The following CALN1 variants were observed in gnomAD, a reference collection of about 807,000 sequenced individuals.
The protein encoded by CALN1 is calneuron 1.
A neutral mutation model predicts 30.6 loss-of-function variants in CALN1; 17 were observed. The ratio of observed to expected loss-of-function variants is 0.56; its 90% CI spans 0.38 to 0.83. CALN1 has a LOEUF of 0.83. Among genes scored for constraint, CALN1 ranks in the 40% least tolerant of loss-of-function variants. The pLI is 0.00. For synonymous variants in CALN1, 156 were observed against 131.4 expected (o/e 1.19, Z -1.28); for missense variants, 291 against 354.9 (o/e 0.82, Z 1.45).
At chr7:72,074,461 A>G (rs1472660856) in intron 4 of CALN1, among the ~76,000 whole-genome samples, 1 of 152,106 alleles carries the variant, frequency 6.6e-6, no homozygotes, top group African/African-American at 2.4e-5. Context: ...AGGCTAGAGT[A>G]CAGTGGTGCA....
rs1265848762 is a variant in CALN1, at chr7:71,784,873, T to C, written c.*2902A>G. 13 of 398,558 alleles carry C rather than the reference T, an allele frequency of 3.3e-5. No homozygotes were observed. Among genetic ancestry groups the C allele is most frequent in the South Asian group, 2.5e-4 (2 of 7,864 alleles). 24.7% of individuals were successfully genotyped at this position (398,558 alleles called of 1,614,324 possible). A position where few individuals can be genotyped will look rare whatever the true frequency, so the allele number is the denominator to read the frequency against. ...CTGGAATCTTCAGCCGTGAGCTTCATAGCCACCATGATGGGGACACTGACT... is the reference window on the plus strand; with the variant it reads ...CTGGAATCTTCAGCCGTGAGCTTCACAGCCACCATGATGGGGACACTGACT... On this transcript the variant is annotated 3_prime_UTR_variant, in exon 7 of 7. Transcript: ENST00000395275.
intron 5 of CALN1, among the ~76,000 whole-genome samples, chr7:71,838,164 A>G (rs1314180134): frequency 6.6e-6 from 1 of 152,176 alleles, no homozygotes; most frequent in Non-Finnish European, 1.5e-5. Flanking sequence ...AAAAAAGGAA[A>G]AACTCTGCCA....
chr7:71,937,812 T>G (rs1795923280), intron 5 of CALN1, among the ~76,000 whole-genome samples: 2 of 152,256 alleles, frequency 1.3e-5, no homozygotes, highest in South Asian at 4.1e-4. Flanking sequence ...TAGCCATACC[T>G]TCTTCCTACC....
chr7:72,112,521 T>C (rs889953325), intron 3 of CALN1, among the ~76,000 whole-genome samples: 1 of 152,292 alleles, frequency 6.6e-6, no homozygotes, highest in East Asian at 1.9e-4. Context: ...GCAAGGCAGT[T>C]ATTTAAAAGC....
upstream of CALN1, among the ~76,000 whole-genome samples, chr7:72,414,885 G>A (rs531954603): frequency 7.2e-5 from 11 of 152,284 alleles, no homozygotes; most frequent in Admixed American, 5.9e-4. Context: ...AAATCCTTAC[G>A]TTGAAGCCCT....
chr7:71,992,420 A>G (rs895212934), intron 5 of CALN1, among the ~76,000 whole-genome samples: 3 of 152,158 alleles, frequency 2.0e-5, no homozygotes, highest in Admixed American at 1.3e-4. Context: ...GCAGTGGTGC[A>G]ATCATGGCTC....
intron 5 of CALN1, among the ~76,000 whole-genome samples, chr7:71,979,869 CTTTTTTTTT>C (rs555621436): frequency 1.1e-5 from 1 of 89,692 alleles, no homozygotes; most frequent in African/African-American, 4.3e-5. Context: ...CATCAGGATT[CTTTTTTTTT>C]TTTTTTTTTT....
intron 2 of CALN1, among the ~76,000 whole-genome samples, chr7:72,402,982 C>T (rs185125752): frequency 6.6e-6 from 1 of 152,314 alleles, no homozygotes; most frequent in Non-Finnish European, 1.5e-5. Context: ...TTGTATTTGT[C>T]ATTGTTCACC....
chr7:72,096,026 G>A (rs1030498990), intron 4 of CALN1, among the ~76,000 whole-genome samples: 4 of 151,652 alleles, frequency 2.6e-5, no homozygotes, highest in South Asian at 2.1e-4. Context: ...GCAACAGAGC[G>A]AGACCTTGTC....
At chr7:72,122,582 C>T (rs948885211) in intron 3 of CALN1, among the ~76,000 whole-genome samples, 2 of 151,970 alleles carry the variant, frequency 1.3e-5, no homozygotes, top group African/African-American at 4.8e-5. Context: ...AAAAATTAGT[C>T]GGGCATGGTG....
intron 5 of CALN1, among the ~76,000 whole-genome samples, chr7:72,014,058 T>C (rs1307790261): frequency 6.6e-6 from 1 of 151,728 alleles, no homozygotes; most frequent in Non-Finnish European, 1.5e-5. Context: ...TCTATTTACA[T>C]TTCTATCAGT....
At chr7:72,426,512 T>C (rs1807802824) in intron 1 of CALN1, among the ~76,000 whole-genome samples, 1 of 152,250 alleles carries the variant, frequency 6.6e-6, no homozygotes, top group Non-Finnish European at 1.5e-5. Flanking sequence ...GTAAGTTTCC[T>C]GAGGCCTTCT....
intron 3 of CALN1, among the ~76,000 whole-genome samples, chr7:72,271,589 T>TATATATATATATATATATATATATAC: frequency 9.5e-6 from 1 of 105,402 alleles, no homozygotes; most frequent in Non-Finnish European, 1.7e-5. Flanking sequence ...TATATATATA[T>TATATATATATATATATATATATATAC]ATATAGTTTT....
At chr7:72,172,521 C>T (rs1048066897) in intron 3 of CALN1, among the ~76,000 whole-genome samples, 4 of 151,986 alleles carry the variant, frequency 2.6e-5, no homozygotes, top group Admixed American at 2.0e-4. Context: ...ACAAAGATGC[C>T]GAAATCCTTA....
At chr7:72,273,683 T>C (rs1797155159) in intron 3 of CALN1, among the ~76,000 whole-genome samples, 1 of 151,738 alleles carries the variant, frequency 6.6e-6, no homozygotes, top group Non-Finnish European at 1.5e-5. Flanking sequence ...CACATCCAGC[T>C]AATTTTTTGT....
chr7:72,077,464 G>A (rs1804827891), intron 4 of CALN1, among the ~76,000 whole-genome samples: 1 of 152,114 alleles, frequency 6.6e-6, no homozygotes, highest in Non-Finnish European at 1.5e-5. Flanking sequence ...AGTAGAGACA[G>A]GGTTTCTCCA....
In CALN1 at chr7:71,947,820, A is replaced by G. The variant is rs546111484; in HGVS notation, c.501+75837T>C. On this transcript the variant is annotated intron_variant, in intron 5 of 6. Coordinates refer to ENST00000395275, the MANE Select transcript of CALN1 (RefSeq NM_031468.4). ...CCAGTTGTGGTGGTTGGTGCCTATA[A>G]TCCCAGCTACTCGGGAGGCTGAGGA... is the stretch of plus-strand genomic sequence containing the variant. Among the ~76,000 whole-genome samples, 5 of 151,840 alleles carry G rather than the reference A, an allele frequency of 3.3e-5. No homozygotes were observed. The South Asian group carries it at 1.0e-3, about 32-fold the overall frequency.
chr7:72,207,196 C>G (rs572095288), intron 3 of CALN1, among the ~76,000 whole-genome samples: 7 of 152,292 alleles, frequency 4.6e-5, no homozygotes, highest in African/African-American at 1.4e-4. Context: ...CCCACTCTCT[C>G]CCCGATTCAC....
intron 2 of CALN1, among the ~76,000 whole-genome samples, chr7:72,377,635 A>C (rs1804650041): frequency 6.6e-6 from 1 of 152,094 alleles, no homozygotes; most frequent in Admixed American, 6.6e-5. Context: ...AATTTTGTAA[A>C]GTCTGTATTA....
Sources: allele counts gnomAD v4.1 joint callset (sites outside exome capture counted in the v4.1 genomes callset), GRCh38; gene constraint gnomAD v4.1.1; transcripts MANE v1.5; gene names NCBI Gene and HGNC (gene_info 2026-07-23, HGNC 2026-07-21).